The following USP42 variants were observed in gnomAD, a reference collection of about 807,000 sequenced individuals.
USP42 encodes the protein ubiquitin specific peptidase 42.
Under a neutral mutation model 113.0 loss-of-function variants are expected in USP42, and 23 were observed. The ratio of observed to expected loss-of-function variants is 0.20; its 90% CI spans 0.15 to 0.29. The LOEUF (loss-of-function observed/expected upper bound fraction) is 0.29, where lower values mean the gene tolerates loss of function less well. Ranked by LOEUF, USP42 falls within the 10% of genes least tolerant of loss-of-function variation. The pLI, the probability that USP42 is intolerant of heterozygous loss-of-function variation, is 1.00. For synonymous variants in USP42, 933 were observed against 699.0 expected, an observed-to-expected ratio of 1.33 and a Z score of -5.28; for missense variants, 2,174 against 1,779.8, an observed-to-expected ratio of 1.22 and a Z score of -3.99.
intron 11 of USP42, 128 bp from the exon 12 acceptor site, chr7:6,147,611 G>A: frequency 5.8e-6 from 6 of 1,041,508 alleles, no homozygotes; most frequent in Non-Finnish European, 8.1e-6. Flanking sequence ...TCCATACTGT[G>A]TAGCATAAAC....
chr7:6,112,002 T>C (rs1779623003), intron 2 of USP42: 1 of 152,390 alleles, frequency 6.6e-6, no homozygotes, highest in Non-Finnish European at 1.5e-5. Context: ...CCAGTAGTTA[T>C]TCTAGTTTCC....
At chr7:6,145,712 G>A (rs2128509658) in intron 10 of USP42, 56 bp downstream of exon 10, 6 of 1,552,486 alleles carry the variant, frequency 3.9e-6, no homozygotes, top group Non-Finnish European at 5.3e-6. Context: ...TAAGACAGCA[G>A]TAGCATTCTT....
In USP42 at chr7:6,139,265, C is replaced by T. The variant is rs888198744; in HGVS notation, c.656+71C>T. 26 of 1,249,032 alleles carry T rather than the reference C, an allele frequency of 2.1e-5. No individual in the cohort carries two copies. The Admixed American group carries it at 5.8e-4, about 28-fold the overall frequency. 77.4% of individuals were successfully genotyped at this position (1,249,032 alleles called of 1,614,324 possible). A position where few individuals can be genotyped will look rare whatever the true frequency, so the allele number is the denominator to read the frequency against. ...GTTGTAGTTTATTCTTATCAGAATT[C>T]ATTTTCACCTTTTTTGTTGGAAGCA... On this transcript the variant is annotated intron_variant, in intron 5 of 17. Coordinates refer to ENST00000306177, the MANE Select transcript of USP42 (RefSeq NM_032172.3). The surrounding 1 kb of genome is among the most constrained non-coding windows in gnomAD (Gnocchi z 4.5).
chr7:6,138,542 A>C (rs1271640771), intron 4 of USP42, among the ~76,000 whole-genome samples: 1 of 152,106 alleles, frequency 6.6e-6, no homozygotes, highest in African/African-American at 2.4e-5. Context: ...TACTCTCTAG[A>C]CTCTCAGAAA....
chr7:6,096,201 G>A, the USP42 span, among the ~76,000 whole-genome samples: 3 of 151,214 alleles, frequency 2.0e-5, no homozygotes, highest in African/African-American at 7.4e-5. Context: ...GGCCAGGCGT[G>A]GTGGCTCACG....
chr7:6,152,454 T>A (rs2128519229), intron 14 of USP42, among the ~76,000 whole-genome samples: 1 of 152,344 alleles, frequency 6.6e-6, no homozygotes, highest in East Asian at 1.9e-4. Context: ...GGGGTGCTGT[T>A]CATGCTGGCG....
chr7:6,154,986 C>G lies in USP42; in HGVS notation c.3432C>G (p.Asn1144Lys), dbSNP rs1481401720. The change falls in exon 15 of 18, where the codon AAC (asparagine) becomes AAG (lysine). Residue 1144 changes from asparagine (N) to lysine (K), a missense_variant. Physicochemically the swap from Asn to Lys is moderately conservative, Grantham distance 94. Transcript: ENST00000306177. ...HDRTALVAGD[N>K]CNLSDRFHEH... ...GAACTGCACTTGTAGCCGGAGACAA[C>G]TGTAACCTCTCTGATCGGTTTCACG... 1 of 1,563,552 alleles carries G rather than the reference C, an allele frequency of 6.4e-7. No homozygotes were observed. Among genetic ancestry groups the G allele is most frequent in the Non-Finnish European group, 8.7e-7 (1 of 1,153,582 alleles).
chr7:6,114,656 GTATATATATA>G lies in USP42; in HGVS notation c.242-653_242-644del, dbSNP rs71008362. ...TGTGTGTATATATGTATGTGTGTGT[GTATATATATA>G]TATATATATATATTTTTTTTTTTTT... On this transcript the variant is annotated intron_variant, in intron 2 of 17. Coordinates refer to ENST00000306177, the MANE Select transcript of USP42 (RefSeq NM_032172.3). Among the ~76,000 whole-genome samples the G allele has an allele frequency of 9.6e-3, 581 of 60,230 alleles. 15 individuals carry two copies. The highest frequency in any genetic ancestry group is 0.029 in the Middle Eastern group (2 of 68). 39.5% of individuals were successfully genotyped at this position (60,230 alleles called of 152,430 possible). A position where few individuals can be genotyped will look rare whatever the true frequency, so the allele number is the denominator to read the frequency against.
Position 6,154,941 on chromosome 7 carries a change from C to A in USP42, c.3387C>A (p.Pro1129=). ...AGAPHALAPH[P]DRFSHDRTAL... ...CGCCCCACGCCCTCGCCCCGCACCCCGACCGCTTCTCCCACGACAGAACTG... is the reference window on the plus strand; with the variant it reads ...CGCCCCACGCCCTCGCCCCGCACCCAGACCGCTTCTCCCACGACAGAACTG... The change falls in exon 15 of 18, where the codon CCC becomes CCA. Residue 1129 remains proline, a synonymous_variant. Transcript: ENST00000306177. 1.3e-6 allele frequency: 2 copies of A among 1,553,076 alleles called. No homozygotes were observed. The highest frequency in any genetic ancestry group is 1.7e-6 in the Non-Finnish European group (2 of 1,147,932).
chr7:6,098,138 C>G, the USP42 span, among the ~76,000 whole-genome samples: 40 of 148,774 alleles, frequency 2.7e-4, no homozygotes, highest in African/African-American at 9.5e-4. Context: ...CTTCTGAACT[C>G]GTGATCCTTC....
intron 3 of USP42, among the ~76,000 whole-genome samples, chr7:6,132,733 G>A (rs892406543): frequency 2.6e-5 from 4 of 151,008 alleles, no homozygotes; most frequent in Admixed American, 1.3e-4. Flanking sequence ...GTGCAGCGTC[G>A]AGATCTCGGC....
the USP42 span, among the ~76,000 whole-genome samples, chr7:6,086,336 G>A: frequency 6.7e-6 from 1 of 149,658 alleles, no homozygotes; most frequent in African/African-American, 2.5e-5. Context: ...CTCCAGAGTA[G>A]CTGGGACTAC....
At position 6,154,493 on chromosome 7, in the gene USP42, G is replaced by T. The variant is rs1208316302; in HGVS notation, c.2939G>T (p.Arg980Leu). The T allele has an allele frequency of 6.5e-7, 1 of 1,545,574 alleles. No homozygotes were observed. ...AAGACTGAGGGCCACCGTCACCGGC[G>T]GCGCCGCACCTGCCCCCGGGAGCGC... is the stretch of plus-strand genomic sequence containing the variant. Reference protein sequence around the residue: ...RSKTEGHRHRRRRTCPRERDR... With the variant: ...RSKTEGHRHRLRRTCPRERDR... The change falls in exon 15 of 18, where the codon CGG (arginine) becomes CTG (leucine). Residue 980 changes from arginine to leucine, a missense_variant. By Grantham distance (102) the Arg-to-Leu change is moderately radical. Coordinates refer to ENST00000306177, the MANE Select transcript of USP42 (RefSeq NM_032172.3).
chr7:6,110,181 T>G, intron 1 of USP42, among the ~76,000 whole-genome samples: 1 of 152,136 alleles, frequency 6.6e-6, no homozygotes. Context: ...ATGTGGCTAC[T>G]GTTGGGCGAT....
intron 14 of USP42, among the ~76,000 whole-genome samples, chr7:6,153,227 C>T (rs1275216919): frequency 1.3e-5 from 2 of 151,518 alleles, no homozygotes; most frequent in African/African-American, 4.9e-5. Context: ...GAGCTGAGAT[C>T]ACACCACTGC....
chr7:6,108,043 G>A (rs1157211692), intron 1 of USP42, among the ~76,000 whole-genome samples: 1 of 152,124 alleles, frequency 6.6e-6, no homozygotes, highest in East Asian at 1.9e-4. Context: ...AATTAGCCGG[G>A]TGTGGTGGCA....
At chr7:6,136,253 C>T (rs1781142867) in intron 4 of USP42, among the ~76,000 whole-genome samples, 1 of 152,046 alleles carries the variant, frequency 6.6e-6, no homozygotes, top group South Asian at 2.1e-4. Flanking sequence ...ATCCACCTGC[C>T]TCCGCCTCCC....
intron 7 of USP42, among the ~76,000 whole-genome samples, chr7:6,141,838 C>G (rs150484876): frequency 6.6e-6 from 1 of 152,204 alleles, no homozygotes; most frequent in East Asian, 1.9e-4. Context: ...ATGTAAAATC[C>G]TTTCCTTTTG....
chr7:6,136,257 G>C (rs1210762272), intron 4 of USP42, among the ~76,000 whole-genome samples: 1 of 151,918 alleles, frequency 6.6e-6, no homozygotes, highest in African/African-American at 2.4e-5. Context: ...ACCTGCCTCC[G>C]CCTCCCAAAG....
Sources: allele counts gnomAD v4.1 joint callset (sites outside exome capture counted in the v4.1 genomes callset), GRCh38; gene constraint gnomAD v4.1.1; non-coding constraint Gnocchi (gnomAD v3.1); transcripts MANE v1.5; gene names NCBI Gene and HGNC (gene_info 2026-07-23, HGNC 2026-07-21).